Variants in C15orf40 observed in about 807,000 individuals in gnomAD.
C15orf40 encodes UPF0235 protein C15orf40.
A neutral mutation model predicts 13.9 loss-of-function variants in C15orf40; 9 were observed. That is an observed-to-expected ratio of 0.65 (90% CI 0.39 to 1.13). C15orf40 has a LOEUF of 1.13. C15orf40 is among the 50% of genes most tolerant of loss of function. The pLI is 0.01. For missense variants in C15orf40, 225 were observed against 188.5 expected, an observed-to-expected ratio of 1.19 and a Z score of -1.13; for synonymous variants, 95 against 69.2, an observed-to-expected ratio of 1.37 and a Z score of -1.85.
At chr15:82,990,683 A>G, downstream of C15orf40, 3 of 1,516,356 alleles carry the variant, frequency 2.0e-6, no homozygotes, top group Non-Finnish European at 1.8e-6. Context: ...AATCATTGTC[A>G]GTTTGTGTCT....
At chr15:82,994,072 T>C (rs940665438), downstream of C15orf40, among the ~76,000 whole-genome samples, 1 of 152,182 alleles carries the variant, frequency 6.6e-6, no homozygotes, top group Non-Finnish European at 1.5e-5. Flanking sequence ...GAAAAAGACA[T>C]CTGGGGAGAT....
chr15:82,997,054 AT>A lies in C15orf40; in HGVS notation c.*8542del, dbSNP rs1215117935. ...AATAATAATAATAATTATTATTATT[AT>A]TTTTAACTGACTTCTATAGCTGTTA... On this transcript the variant is annotated 3_prime_UTR_variant, in exon 4 of 4. Coordinates refer to ENST00000304177, the MANE Select transcript of C15orf40 (RefSeq NM_144597.3). 6.7e-6 allele frequency: 1 copy of A among 148,184 alleles called. No individual in the cohort carries two copies. The highest frequency in any genetic ancestry group is 2.1e-4 in the South Asian group (1 of 4,778). 9.2% of individuals were successfully genotyped at this position (148,184 alleles called of 1,614,324 possible).
Position 82,996,782 on chromosome 15 carries a change from G to C in C15orf40, c.*8815C>G, listed in dbSNP as rs1339483019. ...GTAATTTGGGAGGCCAAGGCGGATG[G>C]ATCGCCTGAGGTCAGGAGTCTGAGA... is the stretch of plus-strand genomic sequence containing the variant. On this transcript the variant is annotated 3_prime_UTR_variant, in exon 4 of 4. Transcript: ENST00000304177. The C allele has an allele frequency of 6.6e-6, 1 of 151,640 alleles. No individual in the cohort carries two copies. The highest frequency in any genetic ancestry group is 1.5e-5 in the Non-Finnish European group (1 of 67,940). The allele number at this position is 151,640 out of a possible 1,614,324, so 9.4% of individuals were successfully genotyped here.
Position 82,997,253 on chromosome 15 carries a change from C to G in C15orf40, c.*8344G>C, listed in dbSNP as rs1221462364. 1 of 132,388 alleles carries G rather than the reference C, an allele frequency of 7.6e-6. No homozygotes were observed. Among genetic ancestry groups the G allele is most frequent in the Non-Finnish European group, 1.6e-5 (1 of 62,174 alleles). The allele number at this position is 132,388 out of a possible 1,614,324, so 8.2% of individuals were successfully genotyped here. A position where few individuals can be genotyped will look rare whatever the true frequency, so the allele number is the denominator to read the frequency against. On this transcript the variant is annotated 3_prime_UTR_variant, in exon 4 of 4. Coordinates refer to ENST00000304177, the MANE Select transcript of C15orf40 (RefSeq NM_144597.3). ...TTAATTTATTTTTTTATTGATAATT[C>G]TTGGGTGTTTCTCACAGAGGGGGAT...
chr15:82,990,194 A>G (rs2030800504), downstream of C15orf40: 1 of 399,350 alleles, frequency 2.5e-6, no homozygotes, highest in East Asian at 3.5e-5. Context: ...TTGGAAGTTG[A>G]GACTTTAAAA....
In C15orf40 at chr15:82,998,880, C is replaced by T. The variant is rs2031272279; in HGVS notation, c.*6717G>A. On this transcript the variant is annotated 3_prime_UTR_variant, in exon 4 of 4. Coordinates refer to ENST00000304177, the MANE Select transcript of C15orf40 (RefSeq NM_144597.3). ...CGCCACTGCACTCCAGCCTGGGCAC[C>T]ATTGAGCACTGAGTGAACGAGACTC... The T allele has an allele frequency of 8.7e-6, 1 of 115,390 alleles. No individual in the cohort carries two copies. Among genetic ancestry groups the T allele is most frequent in the Non-Finnish European group, 1.7e-5 (1 of 57,708 alleles). The allele number at this position is 115,390 out of a possible 1,614,324, so 7.1% of individuals were successfully genotyped here.
chr15:83,011,636 C>A lies in C15orf40; in HGVS notation c.-29G>T. The A allele has an allele frequency of 6.6e-7, 1 of 1,525,326 alleles. No homozygotes were observed. The highest frequency in any genetic ancestry group is 8.8e-7 in the Non-Finnish European group (1 of 1,139,226). The allele number at this position is 1,525,326 out of a possible 1,614,324, so 94.5% of individuals were successfully genotyped here. On this transcript the variant is annotated 5_prime_UTR_variant, in exon 1 of 4. It adds an upstream start codon to the 5' untranslated region. Coordinates refer to ENST00000304177, the MANE Select transcript of C15orf40 (RefSeq NM_144597.3). Reference sequence around the variant, plus strand: ...CGCCTGGGAAGGCGCCGGAAGAGCCCTCTGCGCTTGCGCAGGTAGCCGGCA... The same window carrying A: ...CGCCTGGGAAGGCGCCGGAAGAGCCATCTGCGCTTGCGCAGGTAGCCGGCA...
chr15:82,991,808 G>A (rs558560681), downstream of C15orf40: 26 of 1,101,364 alleles, frequency 2.4e-5, no homozygotes, highest in Middle Eastern at 4.7e-4. Context: ...ACATCAGTAG[G>A]CAAGAAGCCA....
chr15:83,007,091 T>A (rs931305416), intron 3 of C15orf40, among the ~76,000 whole-genome samples: 5 of 152,182 alleles, frequency 3.3e-5, no homozygotes, highest in Non-Finnish European at 7.3e-5. Context: ...TCCTGCAGAT[T>A]CTATTTCAAG....
In C15orf40 at chr15:83,011,587, C is replaced by CCCGCTGCGGAG. The variant is rs767257459; in HGVS notation, c.10_20dup (p.Leu8SerfsTer5). 4.4e-6 allele frequency: 7 copies of CCCGCTGCGGAG among 1,592,582 alleles called. No individual in the cohort carries two copies. The highest frequency in any genetic ancestry group is 6.0e-6 in the Non-Finnish European group (7 of 1,173,636). ...TGGGTGTTGCCCGAAGGTGCCTCAG[C>CCCGCTGCGGAG]CCGCTGCGGAGCCGCAGCATCCCCG... On this transcript the variant is annotated frameshift_variant, in exon 1 of 4. Transcript: ENST00000304177. LOFTEE classifies it high-confidence loss of function.
At chr15:83,006,866 G>T (rs1357964967) in intron 3 of C15orf40, among the ~76,000 whole-genome samples, 1 of 152,212 alleles carries the variant, frequency 6.6e-6, no homozygotes, top group African/African-American at 2.4e-5. Context: ...ACAGGCAGAA[G>T]AATGAGGAAC....
chr15:83,010,355 G>C lies in C15orf40; in HGVS notation c.120C>G (p.Ser40Arg). The C allele has an allele frequency of 1.2e-6, 2 of 1,614,144 alleles. No homozygotes were observed. Among genetic ancestry groups the C allele is most frequent in the Non-Finnish European group, 1.7e-6 (2 of 1,180,012 alleles). Residue 40 changes from serine (S) to arginine (R), a missense_variant, in exon 2 of 4, where the codon AGC becomes AGG. By Grantham distance (110) the Ser-to-Arg change is moderately radical (BLOSUM62 -1). Transcript: ENST00000304177. ...KKAGATTKGK[S>R]QSKEPERPLP... Reference sequence around the variant, plus strand: ...GTGGTCTCTCTGGTTCCTTGCTCTGGCTTTTACCCTAAAATGACAACCACA... The same window carrying C: ...GTGGTCTCTCTGGTTCCTTGCTCTGCCTTTTACCCTAAAATGACAACCACA...
At chr15:82,991,471 A>T (rs1297561045), downstream of C15orf40, among the ~76,000 whole-genome samples, 1 of 151,670 alleles carries the variant, frequency 6.6e-6, no homozygotes, top group Non-Finnish European at 1.5e-5. Context: ...TTTGAAGCCC[A>T]GAGGCGGAAG....
downstream of C15orf40, among the ~76,000 whole-genome samples, chr15:82,992,313 C>G (rs568101781): frequency 6.6e-6 from 1 of 152,010 alleles, no homozygotes; most frequent in African/African-American, 2.4e-5. Flanking sequence ...GTGAGGAGTT[C>G]GAGACCAGCC....
chr15:82,990,883 T>G (rs2030830443), downstream of C15orf40: 1 of 464,372 alleles, frequency 2.2e-6, no homozygotes, highest in Non-Finnish European at 3.9e-6. Flanking sequence ...GTGGGCTGAT[T>G]TTACAATGTT....
At chr15:82,989,330 A>G, downstream of C15orf40, 9 of 648,402 alleles carry the variant, frequency 1.4e-5, no homozygotes, top group Non-Finnish European at 1.7e-5. Context: ...CTGGTACATC[A>G]TTTCTGATAA....
At position 83,011,570 on chromosome 15, in the gene C15orf40, G is replaced by T. The variant is rs765560365; in HGVS notation, c.38C>A (p.Ala13Glu). 6.2e-7 allele frequency: 1 copy of T among 1,603,420 alleles called. No homozygotes were observed. Among genetic ancestry groups the T allele is most frequent in the Non-Finnish European group, 8.5e-7 (1 of 1,177,614 alleles). ...RLRSGLRHLR[A>E]TPNTRGSARL... ...AGCGGAGCCCCGAGTATTGGGTGTT[G>T]CCCGAAGGTGCCTCAGCCCGCTGCG... The change falls in exon 1 of 4, where the codon GCA becomes GAA. Residue 13 changes from alanine to glutamate, a missense_variant. Ala to Glu is a moderately radical substitution (Grantham distance 107). Coordinates refer to ENST00000304177, the MANE Select transcript of C15orf40 (RefSeq NM_144597.3).
downstream of C15orf40, among the ~76,000 whole-genome samples, chr15:82,994,352 T>A (rs549282420): frequency 1.1e-5 from 1 of 92,328 alleles, no homozygotes; most frequent in South Asian, 2.7e-4. Flanking sequence ...AAAAATTTTA[T>A]TTATTTTAAA....
chr15:82,991,618 G>T (rs1001383532), downstream of C15orf40, among the ~76,000 whole-genome samples: 1 of 151,970 alleles, frequency 6.6e-6, no homozygotes, highest in African/African-American at 2.4e-5. Context: ...CTAGGCCCTC[G>T]AGGTTGACTT....
Sources: gnomAD v4.1 joint callset for allele counts (sites outside exome capture counted in the v4.1 genomes callset) on GRCh38, gnomAD v4.1.1 for gene constraint, MANE v1.5 for transcripts, NCBI Gene and HGNC (gene_info 2026-07-23, HGNC 2026-07-21) for gene names.